Variants in NIN observed in about 807,000 individuals in gnomAD.
NIN encodes glycogen synthase kinase 3 beta-interacting protein.
A neutral mutation model predicts 257.6 loss-of-function variants in NIN; 137 were observed. The ratio of observed to expected loss-of-function variants is 0.53; its 90% CI spans 0.46 to 0.61. The LOEUF (loss-of-function observed/expected upper bound fraction) is 0.61, where lower values mean the gene tolerates loss of function less well. Among genes scored for constraint, NIN ranks in the 20% least tolerant of loss-of-function variants. The pLI is 0.00. For synonymous variants in NIN, 918 were observed against 919.8 expected (o/e 1.00, Z 0.04); for missense variants, 2,439 against 2,501.2 (o/e 0.98, Z 0.53).
Position 50,770,466 on chromosome 14 carries a change from ACGCTG to A in NIN, c.1351_1355del (p.Gln451PhefsTer4). 1 of 1,614,148 alleles carries A rather than the reference ACGCTG, an allele frequency of 6.2e-7. No individual in the cohort carries two copies. The highest frequency in any genetic ancestry group is 8.5e-7 in the Non-Finnish European group (1 of 1,180,014). On this transcript the variant is annotated frameshift_variant, in exon 12 of 31. Coordinates refer to ENST00000530997, the MANE Select transcript of NIN (RefSeq NM_020921.4). LOFTEE classifies it high-confidence loss of function. The stretch of plus-strand genomic sequence containing the variant: ...TTTCAATTTCCTGTTCAAGTTCTAA[ACGCTG>A]CTTGCCTGCCTGCTGCAGGATCTGC...
intron 12 of NIN, 26 bp downstream of exon 12, chr14:50,770,362 G>A (rs1192835285): frequency 1.2e-6 from 2 of 1,607,178 alleles, no homozygotes; most frequent in Non-Finnish European, 1.7e-6. Flanking sequence ...CAGGGACGCA[G>A]ACCACAGAAC....
At position 50,739,939 on chromosome 14, in the gene NIN, T is replaced by G. The variant is rs182519099; in HGVS notation, c.5449-452A>C. On this transcript the variant is annotated intron_variant, in intron 25 of 30. Transcript: ENST00000530997. ...AAGCTTTCATAGGCTAAACTCTACTTTCATTTTCACATATGCAATCATATC... is the reference window on the plus strand; with the variant it reads ...AAGCTTTCATAGGCTAAACTCTACTGTCATTTTCACATATGCAATCATATC... Among the ~76,000 whole-genome samples, 13 of 152,360 alleles carry G rather than the reference T, an allele frequency of 8.5e-5. No homozygotes were observed. The East Asian group carries it at 2.1e-3, about 25-fold the overall frequency.
intron 4 of NIN, among the ~76,000 whole-genome samples, chr14:50,798,882 G>C (rs181497443): frequency 2.0e-5 from 3 of 152,152 alleles, no homozygotes; most frequent in Non-Finnish European, 2.9e-5. Context: ...AGGTTCAAGC[G>C]ATTCTCCTGC....
At chr14:50,769,196 A>G (rs764878046) in intron 12 of NIN, among the ~76,000 whole-genome samples, 3 of 152,188 alleles carry the variant, frequency 2.0e-5, no homozygotes, top group Non-Finnish European at 2.9e-5. Context: ...CATCAGTGCT[A>G]TAGGGTAGGT....
intron 4 of NIN, among the ~76,000 whole-genome samples, chr14:50,797,277 A>T (rs553572522): frequency 1.3e-5 from 2 of 152,330 alleles, no homozygotes; most frequent in South Asian, 4.1e-4. Flanking sequence ...GCCATTTCCA[A>T]GGATGAAGAA....
intron 3 of NIN, among the ~76,000 whole-genome samples, chr14:50,816,871 T>C (rs2142361146): frequency 6.6e-6 from 1 of 152,264 alleles, no homozygotes; most frequent in Non-Finnish European, 1.5e-5. Flanking sequence ...CTCTCCCCTC[T>C]CGATCCCTGT....
intron 3 of NIN, among the ~76,000 whole-genome samples, chr14:50,813,396 G>A (rs1395210585): frequency 1.3e-5 from 2 of 152,142 alleles, no homozygotes; most frequent in Admixed American, 6.5e-5. Flanking sequence ...CGGGCAGTTT[G>A]CAGCAATGGG....
chr14:50,815,543 T>C (rs1328451079), intron 3 of NIN, among the ~76,000 whole-genome samples: 1 of 152,212 alleles, frequency 6.6e-6, no homozygotes, highest in Non-Finnish European at 1.5e-5. Flanking sequence ...TTACTAAGTA[T>C]ATACCCAAAG....
intron 13 of NIN, 119 bp from the exon 14 acceptor site, chr14:50,766,515 T>C: frequency 2.3e-6 from 2 of 873,412 alleles, no homozygotes; most frequent in East Asian, 2.5e-5. Flanking sequence ...GAATGTGACA[T>C]GTAAGCACGA....
intron 4 of NIN, among the ~76,000 whole-genome samples, chr14:50,799,495 G>T (rs990793159): frequency 2.0e-5 from 3 of 152,220 alleles, no homozygotes; most frequent in Non-Finnish European, 2.9e-5. Context: ...GGTAAGATTA[G>T]TGTAATGACG....
intron 20 of NIN, among the ~76,000 whole-genome samples, chr14:50,753,318 T>G (rs962085297): frequency 6.6e-6 from 1 of 152,206 alleles, no homozygotes; most frequent in South Asian, 2.1e-4. Context: ...GAGAATCGCT[T>G]GAACCCAGGG....
At chr14:50,823,139 T>C (rs2045304321) in intron 2 of NIN, 1 of 530,426 alleles carries the variant, frequency 1.9e-6, no homozygotes, top group Admixed American at 2.3e-5. Flanking sequence ...GCTCGTATTT[T>C]ACTAATGAAA....
intron 21 of NIN, among the ~76,000 whole-genome samples, chr14:50,749,134 C>A (rs987911168): frequency 6.6e-6 from 1 of 152,104 alleles, no homozygotes; most frequent in African/African-American, 2.4e-5. Flanking sequence ...TGGAACAGAA[C>A]AGAGGCCTCA....
rs1440752644 is a variant in NIN at position 50,806,738 on chromosome 14, TG to T, written c.263del (p.Pro88GlnfsTer5). The T allele has an allele frequency of 4.5e-6, 7 of 1,557,036 alleles. No individual in the cohort carries two copies. The highest frequency in any genetic ancestry group is 1.8e-6 in the Non-Finnish European group (2 of 1,131,066). ...TLSNEEHFQE[P>X]DCSLEAQPKY... is the part of the protein sequence containing the mutation. ...GAGAAGAGAAGTGAGTGACCTTACC[TG>T]GTTCTTGAAAGTGTTCTTCATTTGA... On this transcript the variant is annotated frameshift_variant and splice_region_variant, in exon 4 of 31. Transcript: ENST00000530997. LOFTEE classifies it high-confidence loss of function.
intron 26 of NIN, 131 bp from the exon 27 acceptor site, chr14:50,738,417 A>G: frequency 3.8e-6 from 3 of 780,040 alleles, no homozygotes; most frequent in Non-Finnish European, 6.1e-6. Context: ...AAGCCTGTAA[A>G]TACTTGAAGC....
At chr14:50,756,310 A>C (rs931387513) in intron 18 of NIN, among the ~76,000 whole-genome samples, 182 bp downstream of exon 18, 4 of 152,186 alleles carry the variant, frequency 2.6e-5, no homozygotes, top group Non-Finnish European at 5.9e-5. Context: ...GCGGAAGGGA[A>C]TGCCTCCTAA....
At chr14:50,744,461 T>C in intron 22 of NIN, 96 bp from the exon 23 acceptor site, 1 of 1,302,770 alleles carries the variant, frequency 7.7e-7, no homozygotes, top group East Asian at 2.3e-5. Context: ...GCTGCTGCTA[T>C]TTGCCTATCT....
At chr14:50,778,730 C>A (rs759913255) in intron 6 of NIN, 35 bp downstream of exon 6, 4 of 1,610,592 alleles carry the variant, frequency 2.5e-6, no homozygotes, top group Non-Finnish European at 8.5e-7. Context: ...GCGGCCCTTC[C>A]CTTCCAGGCA....
Position 50,785,142 on chromosome 14 carries a change from C to T in NIN, c.436-6338G>A, listed in dbSNP as rs972917843. On this transcript the variant is annotated intron_variant, in intron 5 of 30. Coordinates refer to ENST00000530997, the MANE Select transcript of NIN (RefSeq NM_020921.4). ...CTGGACAAGGGTGCCCTGCACACAG[C>T]GGCTGCACAGGCGGCACCGATTTCT... 5.3e-5 allele frequency among the ~76,000 whole-genome samples: 8 copies of T among 152,256 alleles called. No individual in the cohort carries two copies. The East Asian group carries it at 1.5e-3, about 29-fold the overall frequency.
Sources: allele counts gnomAD v4.1 joint callset (sites outside exome capture counted in the v4.1 genomes callset), GRCh38; gene constraint gnomAD v4.1.1; transcripts MANE v1.5; gene names NCBI Gene and HGNC (gene_info 2026-07-23, HGNC 2026-07-21).